The following FGF13 variants were observed in gnomAD, a reference collection of about 807,000 sequenced individuals.
FGF13 encodes fibroblast growth factor homologous factor 2.
A neutral mutation model predicts 19.5 loss-of-function variants in FGF13; 2 were observed. The observed-to-expected ratio is 0.10, with a 90% CI of 0.04 to 0.32. The LOEUF is 0.32. FGF13 is among the 10% of genes least tolerant of loss of function. The probability of loss-of-function intolerance (pLI) is 1.00; values close to 1 mark genes in which losing one functional copy is unlikely to be tolerated. For missense variants in FGF13, 113 were observed against 192.7 expected (o/e 0.59, Z 2.45); for synonymous variants, 72 against 76.9 (o/e 0.94, Z 0.33).
intron 1 of FGF13, among the ~76,000 whole-genome samples, chrX:138,867,604 T>C (rs1237748759): frequency 9.0e-6 from 1 of 110,816 alleles, no homozygotes; most frequent in Non-Finnish European, 1.9e-5. Context: ...GCTTTTCCCC[T>C]ATAAAACCAT....
chrX:138,940,768 C>A (rs893376592), intron 1 of FGF13, among the ~76,000 whole-genome samples: 2 of 110,762 alleles, frequency 1.8e-5, no homozygotes, highest in Non-Finnish European at 3.8e-5. Flanking sequence ...TCTGGGCCCT[C>A]TATTCTGTTC....
In FGF13 at chrX:138,882,269, C is replaced by T. The variant is rs1408017682; in HGVS notation, c.-112-17619G>A. Among the ~76,000 whole-genome samples, 3 of 110,731 alleles carry T rather than the reference C, an allele frequency of 2.7e-5. No individual in the cohort carries two copies. The East Asian group carries it at 8.6e-4, about 32-fold the overall frequency. ...TTGGATGACTTAGATCTTTTTTAAA[C>T]TTCTGAGACTTATTTTGTAACCTAA... On this transcript the variant is annotated intron_variant, in intron 1 of 2. Transcript: ENST00000421460.
chrX:138,995,562 T>C (rs2092038578), intron 1 of FGF13, among the ~76,000 whole-genome samples: 1 of 112,339 alleles, frequency 8.9e-6, no homozygotes, highest in South Asian at 3.7e-4. Context: ...ACATACAGTG[T>C]TTGGTTTTCT....
intron 1 of FGF13, among the ~76,000 whole-genome samples, chrX:139,014,110 G>A (rs913888258): frequency 9.0e-6 from 1 of 110,887 alleles, no homozygotes. Flanking sequence ...AGCAAAAGCA[G>A]TACTAAGAGG....
chrX:138,801,404 C>A (rs1383244642), intron 3 of FGF13, among the ~76,000 whole-genome samples: 1 of 111,932 alleles, frequency 8.9e-6, no homozygotes, highest in Non-Finnish European at 1.9e-5. Flanking sequence ...CTGGGTATCA[C>A]CAGTGGAGGC....
chrX:138,636,356 T>C (rs1384968096), intron 3 of FGF13, among the ~76,000 whole-genome samples: 3 of 111,734 alleles, frequency 2.7e-5, no homozygotes, highest in East Asian at 2.8e-4. Context: ...CCAGTGGACT[T>C]TGAACTCAGG....
intron 1 of FGF13, among the ~76,000 whole-genome samples, chrX:138,865,488 T>C (rs1468778903): frequency 4.0e-5 from 4 of 99,567 alleles, no homozygotes; most frequent in African/African-American, 1.5e-4. Context: ...CTCTCTCTCC[T>C]CTCTCTCTCC....
intron 1 of FGF13, among the ~76,000 whole-genome samples, chrX:138,900,880 G>T (rs1053202701): frequency 9.0e-6 from 1 of 111,496 alleles, no homozygotes; most frequent in Admixed American, 9.5e-5. Context: ...TAGAGGCTTT[G>T]CAATTCCTCT....
At chrX:138,777,567 A>C (rs1416944013) in intron 3 of FGF13, among the ~76,000 whole-genome samples, 1 of 111,890 alleles carries the variant, frequency 8.9e-6, no homozygotes, top group African/African-American at 3.3e-5. Flanking sequence ...AGCCACGACA[A>C]GTGGCCTACC....
chrX:138,689,620 AG>A (rs2089819599), intron 3 of FGF13, among the ~76,000 whole-genome samples: 1 of 112,214 alleles, frequency 8.9e-6, no homozygotes. Flanking sequence ...AGAGAAGAAA[AG>A]TCTAACCTCA....
chrX:138,755,176 T>A (rs998610053), intron 3 of FGF13, among the ~76,000 whole-genome samples: 2 of 112,046 alleles, frequency 1.8e-5, no homozygotes, highest in Non-Finnish European at 3.8e-5. Context: ...CAGTAAGTTT[T>A]ATGAGGGCAG....
At chrX:138,939,715 T>TA (rs1168369037) in intron 1 of FGF13, among the ~76,000 whole-genome samples, 1 of 111,887 alleles carries the variant, frequency 8.9e-6, no homozygotes. Flanking sequence ...TAATGGTCTC[T>TA]AGCTTCATCC....
intron 1 of FGF13, among the ~76,000 whole-genome samples, chrX:139,086,176 C>G (rs768799263): frequency 2.1e-4 from 23 of 111,566 alleles, no homozygotes; most frequent in Non-Finnish European, 3.8e-4. Flanking sequence ...GATAGCATCC[C>G]TAGCCCTTAG....
At chrX:139,151,125 A>T (rs776732112) in intron 1 of FGF13, among the ~76,000 whole-genome samples, 3 of 111,295 alleles carry the variant, frequency 2.7e-5, no homozygotes, top group African/African-American at 9.8e-5. Context: ...TACATATTAC[A>T]ATGGTTTTTG....
At position 138,789,774 on chromosome X, in the gene FGF13, G is replaced by A. The variant is rs778064348; in HGVS notation, c.217+67738C>T. Among the ~76,000 whole-genome samples the A allele has an allele frequency of 2.8e-5, 3 of 109,032 alleles. No homozygotes were observed. In the South Asian group the frequency reaches 1.2e-3, roughly 45 times the overall value. The allele number at this position is 109,032 out of a possible 115,157, so 94.7% of individuals were successfully genotyped here. A position where few individuals can be genotyped will look rare whatever the true frequency, so the allele number is the denominator to read the frequency against. ...AAAAAACAAACACACGGCCAGGCCCGGTGGCTCATGCCTGTAATCCCAGCA... is the reference window on the plus strand; with the variant it reads ...AAAAAACAAACACACGGCCAGGCCCAGTGGCTCATGCCTGTAATCCCAGCA... On this transcript the variant is annotated intron_variant, in intron 3 of 6. Coordinates refer to the FGF13 transcript ENST00000436198.
At chrX:139,124,779 G>A (rs1180611113) in intron 1 of FGF13, among the ~76,000 whole-genome samples, 2 of 112,169 alleles carry the variant, frequency 1.8e-5, no homozygotes, top group South Asian at 7.4e-4. Flanking sequence ...TACTCAATGA[G>A]CAGTTGCTAT....
chrX:138,942,771 T>C (rs2091764760), intron 1 of FGF13, among the ~76,000 whole-genome samples: 2 of 111,913 alleles, frequency 1.8e-5, no homozygotes, highest in South Asian at 7.6e-4. Flanking sequence ...ACAACGTCAA[T>C]ATTACAAGAA....
upstream of FGF13, among the ~76,000 whole-genome samples, chrX:139,204,498 G>T (rs1299816414): frequency 1.3e-4 from 15 of 112,486 alleles, no homozygotes; most frequent in East Asian, 4.3e-3. Context: ...GAGCGGCCGG[G>T]ACTCCCCGGC....
At position 138,629,869 on chromosome X, in the gene FGF13, C is replaced by T. The variant is rs1250929078; in HGVS notation, c.*2981G>A. On this transcript the variant is annotated 3_prime_UTR_variant, in exon 5 of 5. Coordinates refer to ENST00000315930, the MANE Select transcript of FGF13 (RefSeq NM_004114.5). ...AGTCTTACAAGCCTTCCAGGTGATT[C>T]TGATGTGAGCTAATATCTGAGACCC... 9.0e-6 allele frequency: 1 copy of T among 111,461 alleles called. No individual in the cohort carries two copies. Among genetic ancestry groups the T allele is most frequent in the African/African-American group, 3.3e-5 (1 of 30,597 alleles). 9.2% of individuals were successfully genotyped at this position (111,461 alleles called of 1,213,427 possible). A position where few individuals can be genotyped will look rare whatever the true frequency, so the allele number is the denominator to read the frequency against.
Sources: gnomAD v4.1 joint callset for allele counts (sites outside exome capture counted in the v4.1 genomes callset) on GRCh38, gnomAD v4.1.1 for gene constraint, MANE v1.5 for transcripts, NCBI Gene and HGNC (gene_info 2026-07-23, HGNC 2026-07-21) for gene names.